Variants in KIAA1217 observed in about 807,000 individuals in gnomAD.
KIAA1217 encodes the protein sickle tail protein homolog.
A neutral mutation model predicts 163.9 loss-of-function variants in KIAA1217; 88 were observed. That is an observed-to-expected ratio of 0.54 (90% CI 0.45 to 0.64). The LOEUF (loss-of-function observed/expected upper bound fraction) is 0.64, where lower values mean the gene tolerates loss of function less well. Among genes scored for constraint, KIAA1217 ranks in the 30% least tolerant of loss-of-function variants. The probability of loss-of-function intolerance (pLI) is 0.00; values close to 1 mark genes in which losing one functional copy is unlikely to be tolerated. For missense variants in KIAA1217, 2,372 were observed against 2,475.0 expected (o/e 0.96, Z 0.88); for synonymous variants, 903 against 923.1 (o/e 0.98, Z 0.39).
intron 2 of KIAA1217, among the ~76,000 whole-genome samples, chr10:24,105,074 G>A (rs889036027): frequency 6.6e-6 from 1 of 152,038 alleles, no homozygotes; most frequent in Non-Finnish European, 1.5e-5. Flanking sequence ...TGATGATGAT[G>A]ATGATGATGA....
At chr10:24,172,756 G>A (rs1014528972) in intron 2 of KIAA1217, among the ~76,000 whole-genome samples, 7 of 152,178 alleles carry the variant, frequency 4.6e-5, no homozygotes, top group Non-Finnish European at 4.4e-5. Flanking sequence ...CTGTGCACAA[G>A]TTCAAACTCA....
At chr10:23,766,852 A>G (rs1834553912) in intron 1 of KIAA1217, among the ~76,000 whole-genome samples, 1 of 152,150 alleles carries the variant, frequency 6.6e-6, no homozygotes, top group Non-Finnish European at 1.5e-5. Flanking sequence ...TTGGCCTCCC[A>G]AACTGCCAGG....
At chr10:23,849,846 G>A (rs146325618) in intron 1 of KIAA1217, among the ~76,000 whole-genome samples, 172 of 152,032 alleles carry the variant, frequency 1.1e-3, no homozygotes, top group African/African-American at 4.0e-3. Flanking sequence ...CAATGTGACC[G>A]TCTTTGATTG....
intron 2 of KIAA1217, among the ~76,000 whole-genome samples, chr10:24,154,361 A>C (rs1041464679): frequency 6.6e-6 from 1 of 151,356 alleles, no homozygotes; most frequent in African/African-American, 2.4e-5. Flanking sequence ...TAGGATTTTG[A>C]GGCTGCAGTG....
At chr10:24,329,677 C>T (rs971986906) in intron 2 of KIAA1217, among the ~76,000 whole-genome samples, 19 of 152,146 alleles carry the variant, frequency 1.2e-4, no homozygotes, top group African/African-American at 4.3e-4. Context: ...TCCAGGTTTA[C>T]TCACATTTAA....
At chr10:24,474,504 G>A (rs2063809207) in intron 6 of KIAA1217, among the ~76,000 whole-genome samples, 1 of 152,140 alleles carries the variant, frequency 6.6e-6, no homozygotes, top group African/African-American at 2.4e-5. Flanking sequence ...TTTTCCTTGT[G>A]GAATACAATT....
At chr10:24,468,653 G>A (rs1011082247) in intron 5 of KIAA1217, among the ~76,000 whole-genome samples, 1 of 152,182 alleles carries the variant, frequency 6.6e-6, no homozygotes, top group African/African-American at 2.4e-5. Context: ...AGACACACAG[G>A]ATTAGCTCCA....
intron 1 of KIAA1217, among the ~76,000 whole-genome samples, chr10:23,958,114 T>A (rs1844650304): frequency 6.6e-6 from 1 of 152,192 alleles, no homozygotes; most frequent in Admixed American, 6.5e-5. Context: ...TGATGAAATC[T>A]CCATAGAATT....
chr10:23,719,358 ATCACT>A (rs1175442277), intron 1 of KIAA1217, among the ~76,000 whole-genome samples: 1 of 152,176 alleles, frequency 6.6e-6, no homozygotes, highest in Admixed American at 6.5e-5. Flanking sequence ...AGGAGAGCAG[ATCACT>A]TGAGGCCAGG....
At chr10:23,945,075 A>AAAAAG (rs763057448) in intron 1 of KIAA1217, among the ~76,000 whole-genome samples, 1 of 146,392 alleles carries the variant, frequency 6.8e-6, no homozygotes. Flanking sequence ...AAAAAAAAAA[A>AAAAAG]GGGTTTTAAC....
chr10:23,879,177 C>G (rs912396935), intron 1 of KIAA1217, among the ~76,000 whole-genome samples: 2 of 151,860 alleles, frequency 1.3e-5, no homozygotes, highest in Non-Finnish European at 2.9e-5. Context: ...TGAGACCCAC[C>G]TTCACCCTTA....
At chr10:24,266,080 CTTTT>C (rs879826505) in intron 2 of KIAA1217, among the ~76,000 whole-genome samples, 2 of 141,092 alleles carry the variant, frequency 1.4e-5, no homozygotes, top group Non-Finnish European at 1.6e-5. Flanking sequence ...AAAGGCTGAT[CTTTT>C]TTTTTTTTTT....
At chr10:24,528,964 A>G (rs2072671309) in intron 14 of KIAA1217, among the ~76,000 whole-genome samples, 1 of 152,162 alleles carries the variant, frequency 6.6e-6, no homozygotes, top group Admixed American at 6.5e-5. Flanking sequence ...TAAGAATCTC[A>G]ACCTATTAAA....
intron 3 of KIAA1217, among the ~76,000 whole-genome samples, chr10:24,428,935 T>TA (rs1373267123): frequency 6.6e-6 from 1 of 151,540 alleles, no homozygotes; most frequent in African/African-American, 2.4e-5. Context: ...GCAATATCAC[T>TA]AATTAAAATA....
chr10:24,525,303 T>C (rs754539412), intron 13 of KIAA1217, among the ~76,000 whole-genome samples: 1 of 152,082 alleles, frequency 6.6e-6, no homozygotes, highest in African/African-American at 2.4e-5. Flanking sequence ...CACATCTAGA[T>C]GATAAGTGGA....
At chr10:24,082,146 T>C (rs891576865) in intron 2 of KIAA1217, among the ~76,000 whole-genome samples, 1 of 152,216 alleles carries the variant, frequency 6.6e-6, no homozygotes, top group South Asian at 2.1e-4. Flanking sequence ...CTGATGGCTG[T>C]GGATAACTTC....
At chr10:24,329,571 G>A (rs1209354861) in intron 2 of KIAA1217, among the ~76,000 whole-genome samples, 2 of 152,116 alleles carry the variant, frequency 1.3e-5, no homozygotes, top group African/African-American at 4.8e-5. Context: ...GGGAAGTTGA[G>A]CATGAATAGC....
intron 5 of KIAA1217, among the ~76,000 whole-genome samples, chr10:24,440,875 T>C (rs992075756): frequency 4.6e-5 from 7 of 152,342 alleles, no homozygotes; most frequent in Non-Finnish European, 7.4e-5. Context: ...AGTTTGCAAC[T>C]TGGTTCCTGT....
chr10:24,105,720 A>G (rs972314813), intron 2 of KIAA1217, among the ~76,000 whole-genome samples: 2 of 152,192 alleles, frequency 1.3e-5, no homozygotes, highest in African/African-American at 2.4e-5. Flanking sequence ...AGTATCTACT[A>G]TGTTCCAGGC....
Sources: gnomAD v4.1 joint callset for allele counts (sites outside exome capture counted in the v4.1 genomes callset) on GRCh38, gnomAD v4.1.1 for gene constraint, MANE v1.5 for transcripts, NCBI Gene and HGNC (gene_info 2026-07-23, HGNC 2026-07-21) for gene names.